The following PDE1C variants were observed in gnomAD, a reference collection of about 807,000 sequenced individuals.
The protein encoded by PDE1C is phosphodiesterase 1C.
A neutral mutation model predicts 93.1 loss-of-function variants in PDE1C; 62 were observed. The ratio of observed to expected loss-of-function variants is 0.67; its 90% confidence interval spans 0.54 to 0.82. PDE1C has a LOEUF of 0.82. PDE1C is among the 40% of genes least tolerant of loss of function. The probability of loss-of-function intolerance (pLI) is 0.00; values close to 1 mark genes in which losing one functional copy is unlikely to be tolerated. For synonymous variants in PDE1C, 325 were observed against 310.1 expected (o/e 1.05, Z -0.50); for missense variants, 742 against 884.6 (o/e 0.84, Z 2.04).
At chr7:31,762,766 T>C (rs1794914945) in intron 17 of PDE1C, among the ~76,000 whole-genome samples, 1 of 152,206 alleles carries the variant, frequency 6.6e-6, no homozygotes, top group Admixed American at 6.5e-5. Context: ...GACAGGAAGC[T>C]TGCAGTCTGA....
At position 31,823,222 on chromosome 7, in the gene PDE1C, G is replaced by T. The variant is rs1359496950; in HGVS notation, c.1433C>A (p.Ala478Asp). 1.2e-6 allele frequency: 2 copies of T among 1,611,208 alleles called. No individual in the cohort carries two copies. The highest frequency in any genetic ancestry group is 3.4e-5 in the Admixed American group (2 of 59,466). The part of the protein sequence containing the change: ...SSLNSISSSD[A>D]KRSGVKTSGS... ...AGAGGTCTTGACACCTGATCGCTTG[G>T]CATCTGACGAGCTGATGCTATTCAA... The change falls in exon 14 of 18, where the codon GCC becomes GAC. Residue 478 changes from alanine (A) to aspartate (D), a missense_variant. Coordinates refer to ENST00000396191, the MANE Select transcript of PDE1C (RefSeq NM_001191057.4).
At chr7:31,683,498 C>T in the PDE1C span, among the ~76,000 whole-genome samples, 3 of 151,932 alleles carry the variant, frequency 2.0e-5, no homozygotes, top group African/African-American at 7.3e-5. Context: ...ATTATCAGGA[C>T]CTGACATGTG....
At chr7:32,327,966 T>A (rs912640108) in intron 1 of PDE1C, among the ~76,000 whole-genome samples, 20 of 152,178 alleles carry the variant, frequency 1.3e-4, no homozygotes, top group Admixed American at 1.3e-3. Flanking sequence ...AATATTTAGA[T>A]CATTTCCAGT....
At chr7:31,647,581 A>G in the PDE1C span, among the ~76,000 whole-genome samples, 1 of 151,268 alleles carries the variant, frequency 6.6e-6, no homozygotes, top group Non-Finnish European at 1.5e-5. Context: ...GGCTGAGGCA[A>G]GAGAATCACT....
the PDE1C span, chr7:31,643,898 A>G: frequency 1.2e-6 from 2 of 1,613,916 alleles, no homozygotes; most frequent in Non-Finnish European, 1.7e-6. Context: ...CAGGAAGCCC[A>G]GTTCATGACG....
chr7:32,299,890 T>C (rs1812840367), upstream of PDE1C, among the ~76,000 whole-genome samples: 1 of 152,224 alleles, frequency 6.6e-6, no homozygotes, highest in Admixed American at 6.5e-5. Flanking sequence ...GTCCACGGTA[T>C]AACAATGTGG....
intron 12 of PDE1C, among the ~76,000 whole-genome samples, chr7:31,826,273 C>T (rs1789652774): frequency 6.6e-6 from 1 of 152,138 alleles, no homozygotes; most frequent in Non-Finnish European, 1.5e-5. Context: ...TAATGCCCAG[C>T]AGTAAAGGAT....
chr7:31,915,118 A>G (rs1016323200), intron 2 of PDE1C, among the ~76,000 whole-genome samples: 1 of 152,232 alleles, frequency 6.6e-6, no homozygotes, highest in Admixed American at 6.5e-5. Context: ...GCTACCCAGG[A>G]TAGAATTTAA....
chr7:31,997,693 G>A (rs1365656440), intron 2 of PDE1C, among the ~76,000 whole-genome samples: 1 of 152,186 alleles, frequency 6.6e-6, no homozygotes, highest in Non-Finnish European at 1.5e-5. Context: ...GACACCCATT[G>A]TCAAGCAGTG....
At chr7:32,070,207 AG>A (rs968992746) in intron 1 of PDE1C, 85 bp downstream of exon 1, 41 of 1,590,386 alleles carry the variant, frequency 2.6e-5, no homozygotes, top group Non-Finnish European at 3.5e-5. Context: ...ATGCAGGAAC[AG>A]GGTGAGCAGT....
chr7:32,172,274 A>G (rs1408352434), intron 2 of PDE1C, among the ~76,000 whole-genome samples: 1 of 152,034 alleles, frequency 6.6e-6, no homozygotes, highest in Non-Finnish European at 1.5e-5. Context: ...ATGGGAGAAC[A>G]TTTTTGCAAT....
chr7:32,383,616 G>C (rs536312359), intron 1 of PDE1C, among the ~76,000 whole-genome samples: 1 of 152,328 alleles, frequency 6.6e-6, no homozygotes, highest in South Asian at 2.1e-4. Context: ...AATGTGAAAT[G>C]CCTGATATAA....
At chr7:32,308,183 G>T (rs1013139595) in intron 1 of PDE1C, among the ~76,000 whole-genome samples, 1 of 152,268 alleles carries the variant, frequency 6.6e-6, no homozygotes, top group Non-Finnish European at 1.5e-5. Flanking sequence ...AAGGCTGGGG[G>T]AGGGGCGCCT....
chr7:31,628,314 G>A, the PDE1C span, among the ~76,000 whole-genome samples: 1 of 152,104 alleles, frequency 6.6e-6, no homozygotes, highest in Admixed American at 6.5e-5. Context: ...AGGTAACAGG[G>A]GCAAGGAAGG....
chr7:32,033,067 C>T lies in PDE1C; in HGVS notation c.128+18487G>A, dbSNP rs73686900. On this transcript the variant is annotated intron_variant, in intron 2 of 17. Coordinates refer to ENST00000396191, the MANE Select transcript of PDE1C (RefSeq NM_001191057.4). ...CTAATCTTCAGCTGAGATCAGCTGACGGAGTAAGACCTTCCCAGGATGAAA... is the reference window on the plus strand; with the variant it reads ...CTAATCTTCAGCTGAGATCAGCTGATGGAGTAAGACCTTCCCAGGATGAAA... Among the ~76,000 whole-genome samples the T allele has an allele frequency of 4.1e-3, 622 of 152,166 alleles. 5 individuals carry two copies. The highest frequency in any genetic ancestry group is 0.014 in the African/African-American group (577 of 41,522).
intron 2 of PDE1C, among the ~76,000 whole-genome samples, chr7:32,172,823 T>TAAA (rs70989638): frequency 1.1e-4 from 11 of 104,440 alleles, no homozygotes; most frequent in Non-Finnish European, 1.5e-4. Flanking sequence ...ACTCCATCTT[T>TAAA]AAAAAAAAAA....
chr7:32,320,487 A>C (rs1386890228), intron 1 of PDE1C, among the ~76,000 whole-genome samples: 1 of 152,088 alleles, frequency 6.6e-6, no homozygotes, highest in Non-Finnish European at 1.5e-5. Context: ...AAACCTGCAC[A>C]TCCTGCACAT....
At chr7:31,986,800 G>GA (rs1470066976) in intron 2 of PDE1C, among the ~76,000 whole-genome samples, 13 of 152,090 alleles carry the variant, frequency 8.5e-5, no homozygotes, top group African/African-American at 3.1e-4. Context: ...AACTGTGAGG[G>GA]AAAAAATTTG....
At chr7:32,349,488 T>C (rs1211680821) in intron 1 of PDE1C, among the ~76,000 whole-genome samples, 1 of 152,248 alleles carries the variant, frequency 6.6e-6, no homozygotes, top group Non-Finnish European at 1.5e-5. Flanking sequence ...TGGAAACGTG[T>C]GGGCTAAAGT....
Sources: gnomAD v4.1 joint callset for allele counts (sites outside exome capture counted in the v4.1 genomes callset) on GRCh38, gnomAD v4.1.1 for gene constraint, MANE v1.5 for transcripts, NCBI Gene and HGNC (gene_info 2026-07-23, HGNC 2026-07-21) for gene names.